The following FLNB variants were observed in gnomAD, a reference collection of about 807,000 sequenced individuals.
The protein encoded by FLNB is filamin-B.
FLNB carries 111 observed loss-of-function variants against 250.6 expected under a neutral mutation model. The observed-to-expected ratio is 0.44, with a 90% CI of 0.38 to 0.52. FLNB has a LOEUF of 0.52. Ranked by LOEUF, FLNB falls within the 20% of genes least tolerant of loss-of-function variation. The probability of loss-of-function intolerance (pLI) is 0.00; values close to 1 mark genes in which losing one functional copy is unlikely to be tolerated. For synonymous variants in FLNB, 1,302 were observed against 1,372.1 expected, an observed-to-expected ratio of 0.95 and a Z score of 1.13; for missense variants, 2,869 against 3,447.8, an observed-to-expected ratio of 0.83 and a Z score of 4.20.
intron 42 of FLNB, among the ~76,000 whole-genome samples, chr3:58,161,860 C>T (rs1403849381): frequency 6.6e-6 from 1 of 152,212 alleles, no homozygotes; most frequent in African/African-American, 2.4e-5. Flanking sequence ...GAGACACCCT[C>T]TCAGGATTCT....
At chr3:58,081,979 G>A (rs1211380027) in intron 4 of FLNB, among the ~76,000 whole-genome samples, 3 of 152,192 alleles carry the variant, frequency 2.0e-5, no homozygotes, top group Non-Finnish European at 4.4e-5. Flanking sequence ...TTTCTGCTTA[G>A]ATGGAAAGGG....
intron 12 of FLNB, among the ~76,000 whole-genome samples, chr3:58,107,729 C>T (rs1016992650): frequency 6.6e-6 from 1 of 152,240 alleles, no homozygotes; most frequent in Non-Finnish European, 1.5e-5. Flanking sequence ...TCTGAGCCAG[C>T]CTGGCTGACA....
chr3:58,147,048 C>T (rs2097336851), intron 34 of FLNB, 55 bp downstream of exon 34: 1 of 1,571,722 alleles, frequency 6.4e-7, no homozygotes, highest in East Asian at 2.2e-5. Flanking sequence ...CTGCCTCTGA[C>T]TGCCACCCTC....
intron 24 of FLNB, among the ~76,000 whole-genome samples, chr3:58,129,027 G>C (rs959401658): frequency 6.6e-6 from 1 of 152,128 alleles, no homozygotes; most frequent in Non-Finnish European, 1.5e-5. Context: ...CAACCTATGG[G>C]GGTACTGCCG....
intron 25 of FLNB, 50 bp downstream of exon 25, chr3:58,130,958 G>A: frequency 6.4e-7 from 1 of 1,568,928 alleles, no homozygotes; most frequent in African/African-American, 1.3e-5. Context: ...CCCAGGCAGG[G>A]GCAGCTGTAA....
intron 4 of FLNB, among the ~76,000 whole-genome samples, chr3:58,090,305 G>A (rs530815618): frequency 6.6e-6 from 1 of 152,216 alleles, no homozygotes; most frequent in East Asian, 1.9e-4. Flanking sequence ...TAATAACAAT[G>A]CCTTCTTCTA....
In FLNB at chr3:58,045,763, G is replaced by T. The variant is rs544836749; in HGVS notation, c.293-31283G>T. 7.9e-5 allele frequency among the ~76,000 whole-genome samples: 12 copies of T among 152,282 alleles called. No homozygotes were observed. The South Asian group carries it at 2.5e-3, about 32-fold the overall frequency. ...GCCTGTAATCCCAGCACTCTGGGAG[G>T]CTGAGGCGGGTGCATCACTTGAAGT... On this transcript the variant is annotated intron_variant, in intron 1 of 45. Coordinates refer to ENST00000295956, the MANE Select transcript of FLNB (RefSeq NM_001457.4).
chr3:58,165,509 CTG>C (rs2097368828), intron 43 of FLNB: 2 of 152,248 alleles, frequency 1.3e-5, no homozygotes, highest in African/African-American at 4.8e-5. Flanking sequence ...GAAAAGGTAT[CTG>C]TGCTTGGCCG....
intron 36 of FLNB, chr3:58,149,445 G>A: frequency 3.3e-6 from 1 of 298,666 alleles, no homozygotes. Context: ...CTTCGGATAT[G>A]CTGACCTAGC....
At chr3:58,079,393 T>C (rs1367043971) in intron 3 of FLNB, among the ~76,000 whole-genome samples, 5 of 151,892 alleles carry the variant, frequency 3.3e-5, no homozygotes, top group Non-Finnish European at 7.4e-5. Flanking sequence ...GCTGGGATTA[T>C]AGGTGCGCAC....
In FLNB at chr3:58,170,884, C is replaced by A; in HGVS notation, c.*122C>A. On this transcript the variant is annotated 3_prime_UTR_variant, in exon 46 of 46. Transcript: ENST00000295956. The stretch of plus-strand genomic sequence containing the variant: ...CTGAAACCCCATCCCTAAAATATTG[C>A]TGTTGTAAAATGCCTTCAGAAATAA... 1.1e-6 allele frequency: 1 copy of A among 895,320 alleles called. No individual in the cohort carries two copies. The highest frequency in any genetic ancestry group is 1.8e-6 in the Non-Finnish European group (1 of 562,302). The allele number at this position is 895,320 out of a possible 1,614,324, so 55.5% of individuals were successfully genotyped here.
At position 58,149,912 on chromosome 3, in the gene FLNB, C is replaced by G. The variant is rs372726521; in HGVS notation, c.6154C>G (p.Leu2052Val). Reference protein sequence around the residue: ...PSKVDIQTEDLEDGTCKVSYF... With the variant: ...PSKVDIQTEDVEDGTCKVSYF... ...CAAAGTGGACATCCAGACGGAGGACCTGGAAGATGGCACCTGCAAAGTCTC... is the reference window on the plus strand; with the variant it reads ...CAAAGTGGACATCCAGACGGAGGACGTGGAAGATGGCACCTGCAAAGTCTC... The change falls in exon 37 of 46, where the codon CTG becomes GTG. Residue 2052 changes from leucine to valine, a missense_variant. By Grantham distance (32) the Leu-to-Val change is conservative. Coordinates refer to ENST00000295956, the MANE Select transcript of FLNB (RefSeq NM_001457.4). 5.0e-6 allele frequency: 8 copies of G among 1,614,114 alleles called. No individual in the cohort carries two copies. Among genetic ancestry groups the G allele is most frequent in the African/African-American group, 1.3e-5 (1 of 74,936 alleles).
intron 2 of FLNB, chr3:58,078,235 A>C: frequency 7.4e-7 from 1 of 1,345,730 alleles, no homozygotes; most frequent in Non-Finnish European, 9.5e-7. Flanking sequence ...ACCTCTTTCC[A>C]ATTTAAACCT....
At chr3:58,103,184 G>A (rs2097253824) in intron 9 of FLNB, among the ~76,000 whole-genome samples, 1 of 152,150 alleles carries the variant, frequency 6.6e-6, no homozygotes, top group Non-Finnish European at 1.5e-5. Flanking sequence ...GGGTAGCCGA[G>A]GTTCTAGACT....
At chr3:58,102,173 A>G (rs1576720349) in intron 8 of FLNB, 30 bp from the exon 9 acceptor site, 2 of 1,613,958 alleles carry the variant, frequency 1.2e-6, no homozygotes, top group Non-Finnish European at 1.7e-6. Flanking sequence ...AGAATGAAAG[A>G]TTGAATTGAT....
chr3:58,162,161 G>A (rs11710658), intron 42 of FLNB, among the ~76,000 whole-genome samples: 54,222 of 151,930 alleles, frequency 0.36, 10,144 homozygotes, highest in African/African-American at 0.41. Context: ...CTTCATGGAG[G>A]TGCACCTCTG....
Position 58,126,731 on chromosome 3 carries a change from T to G in FLNB, c.4191T>G (p.Val1397=), listed in dbSNP as rs2097298571. The change falls in exon 24 of 46, where the codon GTT becomes GTG. Residue 1397 remains valine, a synonymous_variant. Coordinates refer to ENST00000295956, the MANE Select transcript of FLNB (RefSeq NM_001457.4). ...YIPFAPGDYD[V]NITYGGAHIP... ...CTTTCGCACCGGGGGATTACGATGT[T>G]AATATCACATATGGAGGAGCCCACA... 1 of 1,613,960 alleles carries G rather than the reference T, an allele frequency of 6.2e-7. No individual in the cohort carries two copies. The highest frequency in any genetic ancestry group is 1.3e-5 in the African/African-American group (1 of 75,014).
At chr3:58,082,969 G>C (rs574616808) in intron 4 of FLNB, among the ~76,000 whole-genome samples, 1 of 152,152 alleles carries the variant, frequency 6.6e-6, no homozygotes, top group Non-Finnish European at 1.5e-5. Flanking sequence ...TGCAAGCATG[G>C]TGACAGTTCT....
chr3:58,134,665 G>T lies in FLNB; in HGVS notation c.4564G>T (p.Ala1522Ser), dbSNP rs201509521. ...CACATATGATGCCAGCAAAGTGACT[G>T]CCAGTGGCCCCGGCCTTAGTTCCTA... ...LPTYDASKVT[A>S]SGPGLSSYGV... is the part of the protein sequence containing the mutation. Residue 1522 changes from alanine (A) to serine (S), a missense_variant, in exon 27 of 46, where the codon GCC (alanine) becomes TCC (serine). Around this residue, in one of 5 missense-constraint regions of FLNB, gnomAD observed 126 missense variants for 182.0 expected, o/e 0.69. Coordinates refer to ENST00000295956, the MANE Select transcript of FLNB (RefSeq NM_001457.4). The T allele has an allele frequency of 1.2e-6, 2 of 1,614,036 alleles. No homozygotes were observed. Among genetic ancestry groups the T allele is most frequent in the African/African-American group, 2.7e-5 (2 of 74,908 alleles).
Sources: gnomAD v4.1 joint callset for allele counts (sites outside exome capture counted in the v4.1 genomes callset) on GRCh38, gnomAD v4.1.1 for gene constraint, gnomAD v4.1.1 regional missense constraint, MANE v1.5 for transcripts, NCBI Gene and HGNC (gene_info 2026-07-23, HGNC 2026-07-21) for gene names.